BCAS3: variants seen among roughly 807,000 people sequenced by gnomAD.
BCAS3 encodes BCAS3 microtubule associated cell migration factor, also known as BCAS4/BCAS3 fusion.
BCAS3 carries 53 observed loss-of-function variants against 116.1 expected under a neutral mutation model. The ratio of observed to expected loss-of-function variants is 0.46; its 90% CI spans 0.37 to 0.57. The LOEUF is 0.57. BCAS3 is among the 20% of genes least tolerant of loss of function. The pLI is 0.00. For synonymous variants in BCAS3, 391 were observed against 408.2 expected, an observed-to-expected ratio of 0.96 and a Z score of 0.51; for missense variants, 917 against 1,165.4, an observed-to-expected ratio of 0.79 and a Z score of 3.10.
At position 60,679,502 on chromosome 17, in the gene BCAS3, T is replaced by C; in HGVS notation, c.45T>C (p.Arg15=). 1 of 1,614,088 alleles carries C rather than the reference T, an allele frequency of 6.2e-7. No homozygotes were observed. Among genetic ancestry groups the C allele is most frequent in the Non-Finnish European group, 8.5e-7 (1 of 1,179,968 alleles). The part of the protein sequence containing the change: ...MATDSPRRPS[R]CTGGVVVRPQ... ...CAGATTCCCCAAGAAGACCCAGTCG[T>C]TGTACTGGTGGAGTTGTGGTTCGCC... The change falls in exon 2 of 24, where the codon CGT becomes CGC. Residue 15 remains arginine, a synonymous_variant. Coordinates refer to ENST00000407086, the MANE Select transcript of BCAS3 (RefSeq NM_017679.5).
chr17:60,703,430 A>AT (rs1323625677), intron 4 of BCAS3, among the ~76,000 whole-genome samples: 7 of 151,198 alleles, frequency 4.6e-5, no homozygotes, highest in Admixed American at 4.0e-4. Flanking sequence ...CTTTATGAAA[A>AT]TTAGCTGAAT....
chr17:60,877,668 G>A (rs974942578), intron 9 of BCAS3, among the ~76,000 whole-genome samples: 1 of 152,204 alleles, frequency 6.6e-6, no homozygotes, highest in Admixed American at 6.5e-5. Flanking sequence ...GGGATCAACA[G>A]TGTTTGTGGT....
At chr17:60,933,934 A>G (rs1233482444) in intron 13 of BCAS3, among the ~76,000 whole-genome samples, 1 of 152,144 alleles carries the variant, frequency 6.6e-6, no homozygotes, top group East Asian at 1.9e-4. Flanking sequence ...TCCTTTACTC[A>G]TGTAATGGAT....
chr17:60,767,311 C>G (rs1269406582), intron 6 of BCAS3, among the ~76,000 whole-genome samples: 2 of 149,566 alleles, frequency 1.3e-5, no homozygotes, highest in Non-Finnish European at 3.0e-5. Context: ...GGACCTGTTC[C>G]TATTTGGCCA....
In BCAS3 at chr17:60,994,862, T is replaced by C. The variant is rs1472596840; in HGVS notation, c.1486+4627T>C. ...GTATGCTCTGCATACTTTTATCATA[T>C]TATAATATGCAGGTTATTCATTGAC... On this transcript the variant is annotated intron_variant, in intron 15 of 23. Transcript: ENST00000407086. The surrounding 1 kb of genome is among the most constrained non-coding windows in gnomAD (Gnocchi z 4.4). Among the ~76,000 whole-genome samples, 1 of 152,248 alleles carries C rather than the reference T, an allele frequency of 6.6e-6. No individual in the cohort carries two copies. Among genetic ancestry groups the C allele is most frequent in the Non-Finnish European group, 1.5e-5 (1 of 68,036 alleles).
chr17:60,792,244 G>A (rs1486038454), intron 6 of BCAS3, among the ~76,000 whole-genome samples: 1 of 152,246 alleles, frequency 6.6e-6, no homozygotes, highest in Non-Finnish European at 1.5e-5. Context: ...CACGGAGCCG[G>A]TGGAAGCCAG....
Position 61,106,630 on chromosome 17 carries a change from C to G in BCAS3, c.2425+22066C>G, listed in dbSNP as rs1417995654. Among the ~76,000 whole-genome samples, 1 of 152,126 alleles carries G rather than the reference C, an allele frequency of 6.6e-6. No homozygotes were observed. Among genetic ancestry groups the G allele is most frequent in the African/African-American group, 2.4e-5 (1 of 41,412 alleles). ...ATGGTTTCAGGCATCCACTGGGGGT[C>G]TTGGAACGTATCCCCATAGATAAGG... On this transcript the variant is annotated intron_variant, in intron 22 of 23. Coordinates refer to ENST00000407086, the MANE Select transcript of BCAS3 (RefSeq NM_017679.5). This position sits in a 1 kb window ranked among gnomAD's most constrained non-coding sequence, Gnocchi z 4.2.
rs896848497 is a variant in BCAS3 at position 61,037,487 on chromosome 17, G to A, written c.1763-402G>A. Among the ~76,000 whole-genome samples the A allele has an allele frequency of 2.6e-5, 4 of 152,156 alleles. No homozygotes were observed. The highest frequency in any genetic ancestry group is 5.9e-5 in the Non-Finnish European group (4 of 68,018). ...ACAAGCACCATATGAAAAAATTCCT[G>A]TCGTCTGAGCATGGTGGCTCACGCC... is the stretch of plus-strand genomic sequence containing the variant. On this transcript the variant is annotated intron_variant, in intron 17 of 23. Transcript: ENST00000407086. This position sits in a 1 kb window ranked among gnomAD's most constrained non-coding sequence, Gnocchi z 4.7.
At position 61,267,716 on chromosome 17, in the gene BCAS3, C is replaced by T. The variant is rs150407442; in HGVS notation, c.2426-100611C>T. 2.7e-3 allele frequency among the ~76,000 whole-genome samples: 396 copies of T among 147,722 alleles called. 3 individuals are homozygous for T. The East Asian group carries it at 0.038, about 14-fold the overall frequency. ...CAGCCTGGGCGACAGAGCAAGACTC[C>T]GTCTCCAGAAAAAAAAAAAAAGAAA... On this transcript the variant is annotated intron_variant, in intron 22 of 23. Coordinates refer to ENST00000407086, the MANE Select transcript of BCAS3 (RefSeq NM_017679.5).
At chr17:60,780,925 TTAAAG>T (rs1273543850) in intron 6 of BCAS3, among the ~76,000 whole-genome samples, 2 of 152,182 alleles carry the variant, frequency 1.3e-5, no homozygotes, top group Admixed American at 6.5e-5. Flanking sequence ...TTTTGACGCT[TTAAAG>T]TAATTTGCCA....
intron 5 of BCAS3, among the ~76,000 whole-genome samples, chr17:60,710,005 T>C (rs1192591401): frequency 6.6e-6 from 1 of 152,114 alleles, no homozygotes; most frequent in Non-Finnish European, 1.5e-5. Flanking sequence ...TTAATTGAGA[T>C]GGGGTCTGGC....
At chr17:60,868,850 A>G (rs114162805) in intron 8 of BCAS3, among the ~76,000 whole-genome samples, 167 bp downstream of exon 8, 11 of 152,338 alleles carry the variant, frequency 7.2e-5, no homozygotes, top group African/African-American at 2.4e-4. Flanking sequence ...CTTGATGAAT[A>G]TATTCAGACT....
rs894213606 is a variant in BCAS3 at position 60,681,752 on chromosome 17, G to A, written c.83+2212G>A. On this transcript the variant is annotated intron_variant, in intron 2 of 23. Coordinates refer to ENST00000407086, the MANE Select transcript of BCAS3 (RefSeq NM_017679.5). Reference sequence around the variant, plus strand: ...TACATATATATATATTTTTTGAGACGGAGTTTCGCTCTTTTTGCCCAGGCT... The same window carrying A: ...TACATATATATATATTTTTTGAGACAGAGTTTCGCTCTTTTTGCCCAGGCT... 2.9e-4 allele frequency among the ~76,000 whole-genome samples: 40 copies of A among 137,038 alleles called. No homozygotes were observed. The Middle Eastern group carries it at 0.013, about 45-fold the overall frequency. 89.9% of individuals were successfully genotyped at this position (137,038 alleles called of 152,430 possible).
chr17:61,011,186 A>G (rs1373967496), intron 15 of BCAS3, among the ~76,000 whole-genome samples: 2 of 152,098 alleles, frequency 1.3e-5, no homozygotes, highest in African/African-American at 4.8e-5. Flanking sequence ...AAGGTTAGTG[A>G]AGGTGATACC....
rs967279998 is a variant in BCAS3 at position 61,028,639 on chromosome 17, A to G, written c.1638-6027A>G. Among the ~76,000 whole-genome samples, 1 of 151,936 alleles carries G rather than the reference A, an allele frequency of 6.6e-6. No homozygotes were observed. The highest frequency in any genetic ancestry group is 1.5e-5 in the Non-Finnish European group (1 of 67,818). ...TAAGTAAGTAAAGTTCATTCCTTCA[A>G]CAGCTTACGTGCTCCTCACATTTAA... On this transcript the variant is annotated intron_variant, in intron 16 of 23. Transcript: ENST00000407086. This position sits in a 1 kb window ranked among gnomAD's most constrained non-coding sequence, Gnocchi z 4.3.
intron 9 of BCAS3, chr17:60,887,364 T>C (rs963728186): frequency 2.6e-5 from 4 of 153,014 alleles, no homozygotes; most frequent in African/African-American, 4.9e-5. Context: ...CACTCCCTAG[T>C]GAGATGAACC....
At chr17:60,761,097 C>T (rs190919527) in intron 6 of BCAS3, among the ~76,000 whole-genome samples, 3 of 152,090 alleles carry the variant, frequency 2.0e-5, no homozygotes, top group Admixed American at 2.0e-4. Context: ...TTGTAAATGT[C>T]TCAGTTATAT....
chr17:60,752,622 A>G (rs942758677), intron 6 of BCAS3, among the ~76,000 whole-genome samples: 5 of 151,656 alleles, frequency 3.3e-5, no homozygotes, highest in African/African-American at 1.2e-4. Flanking sequence ...ACGGGGTTTC[A>G]CCATGTTAGC....
chr17:61,379,809 C>T lies in BCAS3; in HGVS notation c.2593+11315C>T, dbSNP rs1414919007. ...AGTTTTGGGAGAAGCGCCATCCAGT[C>T]GTGTCATTTGTTCAGGATGACTTTT... On this transcript the variant is annotated intron_variant, in intron 23 of 23. Coordinates refer to ENST00000407086, the MANE Select transcript of BCAS3 (RefSeq NM_017679.5). The surrounding 1 kb of genome is among the most constrained non-coding windows in gnomAD (Gnocchi z 5.5). The T allele has an allele frequency of 6.5e-6, 1 of 152,886 alleles. No individual in the cohort carries two copies. Among genetic ancestry groups the T allele is most frequent in the Non-Finnish European group, 1.5e-5 (1 of 68,598 alleles). 9.5% of individuals were successfully genotyped at this position (152,886 alleles called of 1,614,324 possible).
Sources: allele counts gnomAD v4.1 joint callset (sites outside exome capture counted in the v4.1 genomes callset), GRCh38; gene constraint gnomAD v4.1.1; non-coding constraint Gnocchi (gnomAD v3.1); transcripts MANE v1.5; gene names NCBI Gene and HGNC (gene_info 2026-07-23, HGNC 2026-07-21).